NRG3: variants seen among roughly 807,000 people sequenced by gnomAD.
The protein encoded by NRG3 is neuregulin 3.
A neutral mutation model predicts 66.9 loss-of-function variants in NRG3; 31 were observed. The ratio of observed to expected loss-of-function variants is 0.46; its 90% CI spans 0.35 to 0.63. NRG3 has a LOEUF of 0.63. Among genes scored for constraint, NRG3 ranks in the 20% least tolerant of loss-of-function variants. The pLI is 0.00. For synonymous variants in NRG3, 393 were observed against 359.4 expected, an observed-to-expected ratio of 1.09 and a Z score of -1.06; for missense variants, 910 against 878.9, an observed-to-expected ratio of 1.04 and a Z score of -0.45.
chr10:82,167,665 G>A (rs1028505345), intron 1 of NRG3, among the ~76,000 whole-genome samples: 1 of 152,024 alleles, frequency 6.6e-6, no homozygotes, highest in African/African-American at 2.4e-5. Flanking sequence ...TTTGTTTTCA[G>A]AATAAGTTCT....
chr10:82,336,068 C>A (rs1039216208), intron 1 of NRG3, among the ~76,000 whole-genome samples: 3 of 152,092 alleles, frequency 2.0e-5, no homozygotes, highest in African/African-American at 7.2e-5. Context: ...ATTGTAATTA[C>A]AAAAACATGT....
chr10:82,734,993 T>A (rs2058083707), intron 2 of NRG3, among the ~76,000 whole-genome samples: 1 of 119,204 alleles, frequency 8.4e-6, no homozygotes, highest in South Asian at 2.5e-4. Flanking sequence ...GACAACAGAG[T>A]AAGACTCTGC....
intron 2 of NRG3, among the ~76,000 whole-genome samples, chr10:82,448,479 G>T (rs1164324666): frequency 6.6e-6 from 1 of 152,198 alleles, no homozygotes; most frequent in African/African-American, 2.4e-5. Context: ...GTTAGGCATG[G>T]TCTCTGCTTT....
chr10:82,423,982 T>A (rs1431876872), intron 2 of NRG3, among the ~76,000 whole-genome samples: 1 of 152,056 alleles, frequency 6.6e-6, no homozygotes, highest in Non-Finnish European at 1.5e-5. Flanking sequence ...TTCAGCCTTT[T>A]ATGAGTGAAT....
chr10:82,080,569 C>T (rs1270246129), intron 1 of NRG3, among the ~76,000 whole-genome samples: 1 of 152,048 alleles, frequency 6.6e-6, no homozygotes, highest in Admixed American at 6.5e-5. Flanking sequence ...GATCCCTGTC[C>T]CATCTCTTGC....
intron 2 of NRG3, among the ~76,000 whole-genome samples, chr10:82,595,767 G>A (rs2047238614): frequency 6.6e-6 from 1 of 151,584 alleles, no homozygotes; most frequent in South Asian, 2.1e-4. Flanking sequence ...TCTGGTGACA[G>A]AGTGAGACTG....
intron 2 of NRG3, among the ~76,000 whole-genome samples, chr10:82,655,457 G>T (rs1055600852): frequency 1.3e-5 from 2 of 152,098 alleles, no homozygotes; most frequent in East Asian, 1.9e-4. Flanking sequence ...TTTTTCGGGT[G>T]TGGAACATTA....
chr10:82,928,126 G>A (rs891608483), intron 4 of NRG3, among the ~76,000 whole-genome samples: 1 of 152,036 alleles, frequency 6.6e-6, no homozygotes. Context: ...ATGTTTGCTG[G>A]CTATATAAAT....
At chr10:82,315,408 A>G (rs17099774) in intron 1 of NRG3, among the ~76,000 whole-genome samples, 3,709 of 152,294 alleles carry the variant, frequency 0.024, 85 homozygotes, top group Admixed American at 0.061. Context: ...AGCAATCAAT[A>G]TGGGCAAAAC....
chr10:82,922,265 C>T (rs550702809), intron 4 of NRG3, among the ~76,000 whole-genome samples: 49 of 152,208 alleles, frequency 3.2e-4, no homozygotes, highest in Middle Eastern at 6.8e-3. Flanking sequence ...TACTCCTCAT[C>T]GGGCAGCCCC....
intron 2 of NRG3, among the ~76,000 whole-genome samples, chr10:82,426,597 A>C (rs1255317582): frequency 7.5e-6 from 1 of 132,602 alleles, no homozygotes; most frequent in African/African-American, 2.8e-5. Context: ...TCCTCAATGG[A>C]ATTATTATTA....
intron 2 of NRG3, among the ~76,000 whole-genome samples, chr10:82,380,460 A>G (rs190034022): frequency 6.6e-6 from 1 of 152,182 alleles, no homozygotes; most frequent in Non-Finnish European, 1.5e-5. Context: ...GAGTATTTTA[A>G]GAAGAAGGAG....
At chr10:82,202,743 T>TTG (rs2074908702) in intron 1 of NRG3, among the ~76,000 whole-genome samples, 1 of 151,916 alleles carries the variant, frequency 6.6e-6, no homozygotes, top group African/African-American at 2.4e-5. Flanking sequence ...GAGGTTTTTT[T>TTG]TGTGTGTGTT....
intron 1 of NRG3, among the ~76,000 whole-genome samples, chr10:82,075,604 A>C (rs1313187476): frequency 6.6e-6 from 1 of 152,190 alleles, no homozygotes; most frequent in Non-Finnish European, 1.5e-5. Flanking sequence ...TAGTATATGA[A>C]GCATGATTAC....
chr10:82,332,366 A>T (rs2082178636), intron 1 of NRG3, among the ~76,000 whole-genome samples: 3 of 152,130 alleles, frequency 2.0e-5, no homozygotes, highest in African/African-American at 7.2e-5. Flanking sequence ...GAACCAGGGT[A>T]ATGGGGAGCG....
chr10:82,331,666 T>C (rs1454215534), intron 1 of NRG3, among the ~76,000 whole-genome samples: 1 of 152,230 alleles, frequency 6.6e-6, no homozygotes, highest in Admixed American at 6.5e-5. Context: ...TCTTTTTATT[T>C]TTTATGGCTA....
chr10:82,025,593 G>A lies in NRG3; in HGVS notation c.823+149430G>A, dbSNP rs138570999. On this transcript the variant is annotated intron_variant, in intron 1 of 8. Transcript: ENST00000372141. Reference sequence around the variant, plus strand: ...TCCAGGAAGTTTGTATTTTCCATTTGTGTTTCCCTTAGCAGGGACTGCCTG... The same window carrying A: ...TCCAGGAAGTTTGTATTTTCCATTTATGTTTCCCTTAGCAGGGACTGCCTG... Among the ~76,000 whole-genome samples the A allele has an allele frequency of 4.4e-3, 670 of 151,978 alleles. 5 individuals carry two copies. Among genetic ancestry groups the A allele is most frequent in the African/African-American group, 0.015 (635 of 41,502 alleles).
At chr10:82,926,869 A>C (rs1388538823) in intron 4 of NRG3, among the ~76,000 whole-genome samples, 4 of 152,206 alleles carry the variant, frequency 2.6e-5, no homozygotes, top group Non-Finnish European at 5.9e-5. Context: ...TTTGGATTGG[A>C]CATCCATTGA....
At chr10:82,807,450 A>T (rs953055267) in intron 3 of NRG3, among the ~76,000 whole-genome samples, 5 of 152,190 alleles carry the variant, frequency 3.3e-5, no homozygotes, top group Non-Finnish European at 5.9e-5. Flanking sequence ...GTTGCTACTC[A>T]TGTCCACCTA....
Sources: allele counts gnomAD v4.1 joint callset (sites outside exome capture counted in the v4.1 genomes callset), GRCh38; gene constraint gnomAD v4.1.1; transcripts MANE v1.5; gene names NCBI Gene and HGNC (gene_info 2026-07-23, HGNC 2026-07-21).